The following ARFIP1 variants were observed in gnomAD, a reference collection of about 807,000 sequenced individuals.
ARFIP1 encodes the protein arfaptin-1.
In ARFIP1, 24 loss-of-function variants were observed where a neutral mutation model predicts 42.5. The ratio of observed to expected loss-of-function variants is 0.57; its 90% CI spans 0.41 to 0.80. The LOEUF is 0.80. Among genes scored for constraint, ARFIP1 ranks in the 30% least tolerant of loss-of-function variants. ARFIP1 has a pLI of 0.00. For synonymous variants in ARFIP1, 141 were observed against 153.7 expected, an observed-to-expected ratio of 0.92 and a Z score of 0.61; for missense variants, 354 against 434.0, an observed-to-expected ratio of 0.82 and a Z score of 1.64.
chr4:152,855,396 A>C (rs1330507340), intron 2 of ARFIP1, among the ~76,000 whole-genome samples: 2 of 152,170 alleles, frequency 1.3e-5, no homozygotes, highest in African/African-American at 4.8e-5. Context: ...AGGAGGTGGC[A>C]ACAGCTGTGC....
chr4:152,870,967 G>A (rs879687405), intron 4 of ARFIP1, 119 bp downstream of exon 4: 29 of 695,684 alleles, frequency 4.2e-5, no homozygotes, highest in Non-Finnish European at 5.7e-5. Flanking sequence ...GACTTTTTTG[G>A]TGGCTGCCTT....
intron 2 of ARFIP1, among the ~76,000 whole-genome samples, chr4:152,831,066 C>T (rs1731209484): frequency 1.3e-5 from 2 of 152,142 alleles, no homozygotes; most frequent in South Asian, 4.1e-4. Context: ...AAGAAATTTT[C>T]ATTTCAGATT....
rs1731476170 is a variant in ARFIP1, at chr4:152,796,456, C to A, written c.-10+16230C>A. ...TTTGAATAACTTAATGCTTCTGTTT[C>A]TCCCTGGGCACATACTTTAGGCAGA... On this transcript the variant is annotated intron_variant, in intron 1 of 8. Coordinates refer to ENST00000353617, the MANE Select transcript of ARFIP1 (RefSeq NM_001025595.3). 4 of 735,758 alleles carry A rather than the reference C, an allele frequency of 5.4e-6. No individual in the cohort carries two copies. In the South Asian group the frequency reaches 5.9e-5, roughly 11 times the overall value. The allele number at this position is 735,758 out of a possible 1,614,324, so 45.6% of individuals were successfully genotyped here.
chr4:152,890,459 CTCTT>C (rs1463051181), intron 8 of ARFIP1, among the ~76,000 whole-genome samples: 6 of 152,058 alleles, frequency 3.9e-5, no homozygotes, highest in East Asian at 1.9e-4. Context: ...TTTAGAAAGT[CTCTT>C]TCTTTCTTAA....
intron 8 of ARFIP1, among the ~76,000 whole-genome samples, chr4:152,896,062 C>T (rs75764932): frequency 0.016 from 2,483 of 151,322 alleles, 72 homozygotes; most frequent in African/African-American, 0.056. Context: ...GTGTGTGTTG[C>T]GGGGGAGGGG....
At chr4:152,804,486 ATT>A (rs1299190848) in intron 1 of ARFIP1, among the ~76,000 whole-genome samples, 12 of 91,622 alleles carry the variant, frequency 1.3e-4, no homozygotes, top group Admixed American at 1.1e-3. Flanking sequence ...AATATATATT[ATT>A]TATATATATA....
intron 1 of ARFIP1, among the ~76,000 whole-genome samples, chr4:152,827,864 C>T (rs185679255): frequency 2.0e-5 from 3 of 152,022 alleles, no homozygotes; most frequent in Admixed American, 6.6e-5. Flanking sequence ...TTTGTAGAGA[C>T]GGGTTTCGCT....
At chr4:152,869,265 A>AT (rs573731736) in intron 3 of ARFIP1, among the ~76,000 whole-genome samples, 130 of 152,248 alleles carry the variant, frequency 8.5e-4, no homozygotes, top group East Asian at 5.0e-3. Flanking sequence ...TAATGCATGT[A>AT]TTTTTTCCAG....
chr4:152,866,364 G>A (rs1403246375), intron 3 of ARFIP1, among the ~76,000 whole-genome samples: 10 of 152,100 alleles, frequency 6.6e-5, no homozygotes, highest in African/African-American at 1.9e-4. Flanking sequence ...ATCATGGCCC[G>A]TTCCCAGTGA....
intron 7 of ARFIP1, among the ~76,000 whole-genome samples, chr4:152,886,385 T>C (rs1412843064): frequency 1.3e-5 from 2 of 152,028 alleles, no homozygotes. Context: ...CCTGCCTGCC[T>C]GTCTAATGTT....
intron 8 of ARFIP1, among the ~76,000 whole-genome samples, chr4:152,891,576 T>A (rs1736853447): frequency 6.6e-6 from 1 of 152,174 alleles, no homozygotes; most frequent in Non-Finnish European, 1.5e-5. Context: ...TTTGCTTTCT[T>A]GGTAATTTGA....
At chr4:152,791,277 G>A (rs1177147374) in intron 1 of ARFIP1, among the ~76,000 whole-genome samples, 1 of 152,168 alleles carries the variant, frequency 6.6e-6, no homozygotes, top group East Asian at 1.9e-4. Flanking sequence ...GGACAGTAAG[G>A]AAAATGATTC....
intron 2 of ARFIP1, among the ~76,000 whole-genome samples, chr4:152,834,892 A>T (rs750688636): frequency 3.1e-4 from 47 of 152,166 alleles, no homozygotes; most frequent in Non-Finnish European, 4.4e-4. Context: ...CACCACATGG[A>T]AGCTGCCAAG....
intron 1 of ARFIP1, chr4:152,796,265 C>G: frequency 9.8e-7 from 1 of 1,024,842 alleles, no homozygotes; most frequent in Non-Finnish European, 1.5e-6. Context: ...TATTGGTAGG[C>G]AAAAGGTGGC....
intron 2 of ARFIP1, among the ~76,000 whole-genome samples, chr4:152,845,018 A>G (rs900371221): frequency 6.6e-6 from 1 of 152,216 alleles, no homozygotes; most frequent in Non-Finnish European, 1.5e-5. Context: ...AGGCACATTG[A>G]CCAATGAAAC....
At chr4:152,881,671 C>T (rs1044954190) in intron 6 of ARFIP1, among the ~76,000 whole-genome samples, 1 of 152,010 alleles carries the variant, frequency 6.6e-6, no homozygotes, top group African/African-American at 2.4e-5. Context: ...TTATGTGGTC[C>T]TTTATCTGCC....
intron 4 of ARFIP1, among the ~76,000 whole-genome samples, chr4:152,871,173 C>T (rs779843133): frequency 1.3e-5 from 2 of 152,210 alleles, no homozygotes; most frequent in East Asian, 3.8e-4. Flanking sequence ...CTCATCTTTG[C>T]AGCTCTGCCT....
chr4:152,896,785 A>G (rs898895886), intron 8 of ARFIP1, among the ~76,000 whole-genome samples: 23 of 152,194 alleles, frequency 1.5e-4, no homozygotes, highest in African/African-American at 5.3e-4. Context: ...TGTTTCTTAA[A>G]TACTGTGCCT....
At chr4:152,796,853 C>A in intron 1 of ARFIP1, 1 of 522,808 alleles carries the variant, frequency 1.9e-6, no homozygotes. Flanking sequence ...CTGCAGAGCA[C>A]CCAGAAGCAG....
Sources: allele counts gnomAD v4.1 joint callset (sites outside exome capture counted in the v4.1 genomes callset), GRCh38; gene constraint gnomAD v4.1.1; transcripts MANE v1.5; gene names NCBI Gene and HGNC (gene_info 2026-07-23, HGNC 2026-07-21).